GARIN1B: variants seen among roughly 807,000 people sequenced by gnomAD.
GARIN1B encodes the protein golgi associated RAB2 interactor 1B.
chr7:128,722,042 A>G, the GARIN1B span, among the ~76,000 whole-genome samples: 2,078 of 152,300 alleles, frequency 0.014, 53 homozygotes, highest in African/African-American at 0.048. Flanking sequence ...ATCTATGCTC[A>G]TGAGAGATAT....
At chr7:128,716,804 G>C in the GARIN1B span, 1 of 1,599,506 alleles carries the variant, frequency 6.3e-7, no homozygotes, top group Non-Finnish European at 8.5e-7. Context: ...CCTGGGGGCT[G>C]TGTTGCAGGT....
chr7:128,722,775 G>A, the GARIN1B span, among the ~76,000 whole-genome samples: 1 of 151,984 alleles, frequency 6.6e-6, no homozygotes, highest in Non-Finnish European at 1.5e-5. Flanking sequence ...CTGCACTCCA[G>A]CCTGGCTATA....
the GARIN1B span, chr7:128,715,747 A>T: frequency 7.0e-7 from 1 of 1,436,528 alleles, no homozygotes. Flanking sequence ...TGTTCCCAAG[A>T]TATGACTGAG....
At chr7:128,719,066 C>T in the GARIN1B span, 1 of 1,613,670 alleles carries the variant, frequency 6.2e-7, no homozygotes, top group Middle Eastern at 1.7e-4. Flanking sequence ...CTGCAGCAGC[C>T]CCTCAGGAGA....
the GARIN1B span, chr7:128,723,201 T>C: frequency 6.2e-7 from 1 of 1,610,456 alleles, no homozygotes; most frequent in Non-Finnish European, 8.5e-7. Context: ...ATATAGTTAG[T>C]ACAGAAGAAA....
the GARIN1B span, chr7:128,724,992 A>G: frequency 5.4e-5 from 41 of 756,086 alleles, no homozygotes; most frequent in African/African-American, 6.6e-4. Context: ...AATAGTGCCA[A>G]CGCCATCCAG....
the GARIN1B span, among the ~76,000 whole-genome samples, chr7:128,728,218 T>G: frequency 6.6e-6 from 1 of 152,112 alleles, no homozygotes; most frequent in East Asian, 1.9e-4. Flanking sequence ...CCGAGGTGGA[T>G]GGATCACGAG....
chr7:128,709,750 C>CTGTCTTT, the GARIN1B span, among the ~76,000 whole-genome samples: 1,705 of 114,600 alleles, frequency 0.015, 70 homozygotes, highest in Non-Finnish European at 0.02. Context: ...CTCTCTCTCT[C>CTGTCTTT]TTTTTTTTTT....
At chr7:128,719,926 C>G in the GARIN1B span, among the ~76,000 whole-genome samples, 3 of 151,922 alleles carry the variant, frequency 2.0e-5, no homozygotes, top group South Asian at 6.2e-4. Flanking sequence ...TCTGGAACTC[C>G]TGACCTCAGG....
At chr7:128,728,181 C>T in the GARIN1B span, among the ~76,000 whole-genome samples, 3 of 152,172 alleles carry the variant, frequency 2.0e-5, no homozygotes, top group Non-Finnish European at 2.9e-5. Flanking sequence ...CGGTGGCTCA[C>T]GCCTGTAATC....
the GARIN1B span, among the ~76,000 whole-genome samples, chr7:128,724,190 T>C: frequency 6.6e-6 from 1 of 152,026 alleles, no homozygotes; most frequent in Admixed American, 6.6e-5. Flanking sequence ...ATTGTATTTT[T>C]AGTAGAGACA....
the GARIN1B span, chr7:128,713,950 G>A: frequency 2.0e-6 from 3 of 1,521,530 alleles, no homozygotes; most frequent in East Asian, 7.5e-5. Context: ...GCAAACCAAA[G>A]GATGTGGTCT....
chr7:128,729,915 C>T, the GARIN1B span: 2 of 1,613,496 alleles, frequency 1.2e-6, no homozygotes, highest in Non-Finnish European at 1.7e-6. Flanking sequence ...AAGATTCTTC[C>T]CGTGAAGACA....
chr7:128,725,735 TCA>T, the GARIN1B span, among the ~76,000 whole-genome samples: 1 of 152,178 alleles, frequency 6.6e-6, no homozygotes, highest in Non-Finnish European at 1.5e-5. Context: ...TTGGCCACAC[TCA>T]GTCACGTGAC....
chr7:128,728,138 C>A, the GARIN1B span, among the ~76,000 whole-genome samples: 3 of 152,146 alleles, frequency 2.0e-5, no homozygotes, highest in Non-Finnish European at 4.4e-5. Flanking sequence ...CATAGGACTG[C>A]AGGTGGTATA....
chr7:128,726,944 C>G, the GARIN1B span: 2 of 1,379,762 alleles, frequency 1.4e-6, no homozygotes, highest in Non-Finnish European at 2.1e-6. Context: ...TCCCCTCCAG[C>G]CCCCATCCTG....
the GARIN1B span, chr7:128,715,687 C>G: frequency 1.2e-6 from 2 of 1,613,520 alleles, no homozygotes; most frequent in Non-Finnish European, 1.7e-6. Flanking sequence ...GCAACTTCAT[C>G]CAGGTATTCT....
At chr7:128,731,411 A>C in the GARIN1B span, 1 of 492,702 alleles carries the variant, frequency 2.0e-6, no homozygotes. Context: ...GGACCAGAGA[A>C]GTGGAAGGAA....
the GARIN1B span, among the ~76,000 whole-genome samples, chr7:128,714,777 T>A: frequency 6.6e-6 from 1 of 152,128 alleles, no homozygotes. Context: ...CTAGCAGAGC[T>A]GCTCATCGGG....
Sources: gnomAD v4.1 joint callset for allele counts (sites outside exome capture counted in the v4.1 genomes callset) on GRCh38, gnomAD v4.1.1 for gene constraint, MANE v1.5 for transcripts, NCBI Gene and HGNC (gene_info 2026-07-23, HGNC 2026-07-21) for gene names.